TDRKH: variants seen among roughly 807,000 people sequenced by gnomAD.
The protein encoded by TDRKH is tudor and KH domain-containing protein.
A neutral mutation model predicts 61.3 loss-of-function variants in TDRKH; 28 were observed. The observed-to-expected ratio is 0.46, with a 90% confidence interval of 0.34 to 0.63. The LOEUF (loss-of-function observed/expected upper bound fraction) is 0.63. Among genes scored for constraint, TDRKH ranks in the 20% least tolerant of loss-of-function variants. The probability of loss-of-function intolerance (pLI) is 0.01; values close to 1 mark genes in which losing one functional copy is unlikely to be tolerated. For missense variants in TDRKH, 540 were observed against 683.4 expected, an observed-to-expected ratio of 0.79 and a Z score of 2.34; for synonymous variants, 219 against 244.4, an observed-to-expected ratio of 0.90 and a Z score of 0.97.
At chr1:151,778,472 T>G (rs1000344377) in intron 6 of TDRKH, among the ~76,000 whole-genome samples, 1 of 152,194 alleles carries the variant, frequency 6.6e-6, no homozygotes, top group African/African-American at 2.4e-5. Flanking sequence ...TCATTTTCAG[T>G]GATCAACATC....
intron 2 of TDRKH, chr1:151,781,803 T>C (rs1246777265): frequency 1.9e-6 from 1 of 535,880 alleles, no homozygotes; most frequent in East Asian, 3.2e-5. Context: ...CTGTTTCAGA[T>C]GCTAAAATGG....
downstream of TDRKH, chr1:151,770,549 A>C (rs890393065): frequency 1.4e-5 from 5 of 354,374 alleles, no homozygotes; most frequent in Non-Finnish European, 2.6e-5. Flanking sequence ...ATGGATCTCA[A>C]ACATATGGAG....
Position 151,780,224 on chromosome 1 carries a change from G to C in TDRKH, c.232-84C>G. ...TACAGACACTCTAAAACAAACCCTGGAGGTAGATAGAATTAGCCAAAGGAA... is the reference window on the plus strand; with the variant it reads ...TACAGACACTCTAAAACAAACCCTGCAGGTAGATAGAATTAGCCAAAGGAA... On this transcript the variant is annotated intron_variant, in intron 3 of 12. Coordinates refer to ENST00000368824, the MANE Select transcript of TDRKH (RefSeq NM_001083965.2). 4.2e-6 allele frequency: 6 copies of C among 1,427,094 alleles called. No homozygotes were observed. In the South Asian group the frequency reaches 8.0e-5, roughly 19 times the overall value. 88.4% of individuals were successfully genotyped at this position (1,427,094 alleles called of 1,614,324 possible). A position where few individuals can be genotyped will look rare whatever the true frequency, so the allele number is the denominator to read the frequency against.
chr1:151,781,250 G>A (rs1471437559), intron 3 of TDRKH, among the ~76,000 whole-genome samples: 1 of 149,432 alleles, frequency 6.7e-6, no homozygotes, highest in Admixed American at 6.7e-5. Context: ...CCAGGAGGCG[G>A]ATGTTGCAGT....
chr1:151,788,848 A>G (rs549738465), intron 1 of TDRKH, among the ~76,000 whole-genome samples: 2 of 152,218 alleles, frequency 1.3e-5, no homozygotes, highest in African/African-American at 4.8e-5. Context: ...GACCCCCTAC[A>G]CTGGGTTGAA....
downstream of TDRKH, chr1:151,767,011 G>A: frequency 5.1e-6 from 7 of 1,378,880 alleles, no homozygotes; most frequent in South Asian, 9.5e-5. Flanking sequence ...AAGCTGGCAT[G>A]GAACTTTAGA....
At chr1:151,775,945 C>T in intron 8 of TDRKH, 61 bp from the exon 9 acceptor site, 1 of 1,592,702 alleles carries the variant, frequency 6.3e-7, no homozygotes, top group African/African-American at 1.3e-5. Flanking sequence ...TACATTGCTG[C>T]TTTCAGAAAG....
chr1:151,781,020 A>G (rs966802138), intron 3 of TDRKH, among the ~76,000 whole-genome samples: 1 of 151,824 alleles, frequency 6.6e-6, no homozygotes, highest in Non-Finnish European at 1.5e-5. Flanking sequence ...TGTTCTTTTA[A>G]AAATATACAT....
At chr1:151,766,794 C>CTTT, downstream of TDRKH, 1 of 1,591,214 alleles carries the variant, frequency 6.3e-7, no homozygotes. Flanking sequence ...ACGTAACTAC[C>CTTT]TCTACCCGAT....
At chr1:151,783,725 G>A (rs560257845) in intron 1 of TDRKH, 1 of 152,258 alleles carries the variant, frequency 6.6e-6, no homozygotes, top group Admixed American at 6.5e-5. Context: ...TTCCCTGGAG[G>A]GTCCTTCCAA....
At chr1:151,776,391 T>G (rs1486458178) in intron 7 of TDRKH, 48 bp downstream of exon 7, 1 of 1,605,342 alleles carries the variant, frequency 6.2e-7, no homozygotes, top group South Asian at 1.1e-5. Context: ...ATGAAAAAGA[T>G]ATGCCTTCTT....
chr1:151,773,186 G>A (rs1424315032), downstream of TDRKH, among the ~76,000 whole-genome samples: 2 of 152,092 alleles, frequency 1.3e-5, no homozygotes, highest in African/African-American at 4.8e-5. Context: ...GGGACAACAG[G>A]TGCATGCCAC....
At chr1:151,766,625 A>G, downstream of TDRKH, 1 of 1,432,678 alleles carries the variant, frequency 7.0e-7, no homozygotes, top group Non-Finnish European at 9.5e-7. Context: ...TATCCATGTC[A>G]TAGTGCCCAC....
chr1:151,780,255 TA>T (rs1649621001), intron 3 of TDRKH, 115 bp from the exon 4 acceptor site: 1 of 932,270 alleles, frequency 1.1e-6, no homozygotes, highest in Admixed American at 2.5e-5. Context: ...AGGAATTAGC[TA>T]ATACTATCTA....
intron 4 of TDRKH, 104 bp from the exon 5 acceptor site, chr1:151,779,346 A>T (rs966575128): frequency 7.1e-7 from 1 of 1,414,794 alleles, no homozygotes. Flanking sequence ...ATCAGTTCTC[A>T]TTTCTAAAGT....
In TDRKH at chr1:151,774,439, T is replaced by G. The variant is rs1181537472; in HGVS notation, c.*13A>C. ...CAGCAAAGCAGATGGCTGAGCAAACTGAAGCCCAGACTTCAGAGTAAGTAG... is the reference window on the plus strand; with the variant it reads ...CAGCAAAGCAGATGGCTGAGCAAACGGAAGCCCAGACTTCAGAGTAAGTAG... On this transcript the variant is annotated 3_prime_UTR_variant, in exon 13 of 13. Transcript: ENST00000368824. 10 of 1,614,004 alleles carry G rather than the reference T, an allele frequency of 6.2e-6. No individual in the cohort carries two copies. Among genetic ancestry groups the G allele is most frequent in the Non-Finnish European group, 8.5e-6 (10 of 1,179,884 alleles).
At chr1:151,768,811 C>T (rs901613105), downstream of TDRKH, among the ~76,000 whole-genome samples, 58 of 150,842 alleles carry the variant, frequency 3.8e-4, no homozygotes, top group Admixed American at 2.4e-3. Context: ...GAGGACCCTG[C>T]GGCCTTCCGC....
At chr1:151,772,036 C>T, downstream of TDRKH, 1 of 398,420 alleles carries the variant, frequency 2.5e-6, no homozygotes, top group Non-Finnish European at 4.4e-6. Context: ...CCAAGAGTAC[C>T]TGAACTACTC....
At chr1:151,767,770 G>C (rs946549225), downstream of TDRKH, among the ~76,000 whole-genome samples, 1 of 152,164 alleles carries the variant, frequency 6.6e-6, no homozygotes, top group East Asian at 1.9e-4. Flanking sequence ...TAAATCCTAA[G>C]CTCTCTGATG....
Sources: allele counts gnomAD v4.1 joint callset (sites outside exome capture counted in the v4.1 genomes callset), GRCh38; gene constraint gnomAD v4.1.1; transcripts MANE v1.5; gene names NCBI Gene and HGNC (gene_info 2026-07-23, HGNC 2026-07-21).